Variants in CCNG2 observed in about 807,000 individuals in gnomAD.
The protein encoded by CCNG2 is cyclin-G2.
A neutral mutation model predicts 36.5 loss-of-function variants in CCNG2; 20 were observed. That is an observed-to-expected ratio of 0.55 (90% CI 0.39 to 0.80). The LOEUF (loss-of-function observed/expected upper bound fraction) is 0.80. Ranked by LOEUF, CCNG2 falls within the 30% of genes least tolerant of loss-of-function variation. The pLI, the probability that CCNG2 is intolerant of heterozygous loss-of-function variation, is 0.00. For synonymous variants in CCNG2, 155 were observed against 140.1 expected (o/e 1.11, Z -0.75); for missense variants, 358 against 390.8 (o/e 0.92, Z 0.71).
chr4:77,161,820 T>G (rs1459735563), intron 6 of CCNG2, 73 bp downstream of exon 6: 1 of 873,356 alleles, frequency 1.1e-6, no homozygotes, highest in Non-Finnish European at 1.8e-6. Flanking sequence ...GACTTAAACA[T>G]TAAGTAATAC....
At position 77,160,894 on chromosome 4, in the gene CCNG2, C is replaced by G. The variant is rs1731416331; in HGVS notation, c.450C>G (p.His150Gln). Reference protein sequence around the residue: ...RMEKIISEKLHYELEATTALN... With the variant: ...RMEKIISEKLQYELEATTALN... Reference sequence around the variant, plus strand: ...AAAAAATAATTTCAGAAAAATTGCACTATGAATTGGAAGCTACTACTGCCT... The same window carrying G: ...AAAAAATAATTTCAGAAAAATTGCAGTATGAATTGGAAGCTACTACTGCCT... Residue 150 changes from histidine (H) to glutamine (Q), a missense_variant, in exon 4 of 8, where the codon CAC becomes CAG. Physicochemically the swap from His to Gln is conservative, Grantham distance 24. Transcript: ENST00000316355. The G allele has an allele frequency of 6.2e-7, 1 of 1,612,570 alleles. No homozygotes were observed. Among genetic ancestry groups the G allele is most frequent in the Non-Finnish European group, 8.5e-7 (1 of 1,179,504 alleles).
chr4:77,162,280 T>G (rs1446621539), intron 6 of CCNG2, among the ~76,000 whole-genome samples: 2 of 152,134 alleles, frequency 1.3e-5, no homozygotes, highest in East Asian at 1.9e-4. Context: ...CTCAGTCTAG[T>G]TGGGGAAATG....
chr4:77,161,259 C>T (rs1051310160), intron 4 of CCNG2, among the ~76,000 whole-genome samples: 2 of 152,064 alleles, frequency 1.3e-5, no homozygotes, highest in Non-Finnish European at 2.9e-5. Context: ...TGCGCCACCA[C>T]ACCTGGCTAA....
intron 3 of CCNG2, 135 bp downstream of exon 3, chr4:77,159,639 G>C (rs913671111): frequency 1.9e-5 from 15 of 778,074 alleles, no homozygotes; most frequent in Non-Finnish European, 2.1e-5. Flanking sequence ...AATTGTGATC[G>C]TTAGTGCCAG....
chr4:77,165,671 GTC>G, intron 7 of CCNG2, 128 bp from the exon 8 acceptor site: 1 of 677,412 alleles, frequency 1.5e-6, no homozygotes, highest in African/African-American at 1.8e-5. Context: ...TATAAATTTT[GTC>G]TCTGTAAAGC....
At chr4:77,163,779 A>T (rs1731550007) in intron 6 of CCNG2, among the ~76,000 whole-genome samples, 1 of 152,204 alleles carries the variant, frequency 6.6e-6, no homozygotes, top group Non-Finnish European at 1.5e-5. Flanking sequence ...CATATCACTA[A>T]CTTCTTTAGT....
rs1488364369 is a variant in CCNG2 at position 77,157,263 on chromosome 4, G to A, written c.-244G>A. The stretch of plus-strand genomic sequence containing the variant: ...TTTCCGCTGAGGCGGCGGGGGTGCG[G>A]CGGTGGGCTGGTCTTCCGCGGCCGG... On this transcript the variant is annotated 5_prime_UTR_variant, in exon 1 of 8. Coordinates refer to ENST00000316355, the MANE Select transcript of CCNG2 (RefSeq NM_004354.3). 6.6e-6 allele frequency: 1 copy of A among 152,424 alleles called. No homozygotes were observed. Among genetic ancestry groups the A allele is most frequent in the Non-Finnish European group, 1.5e-5 (1 of 68,240 alleles). 9.4% of individuals were successfully genotyped at this position (152,424 alleles called of 1,614,324 possible).
rs147567142 is a variant in CCNG2, at chr4:77,168,721, A to G, written c.*2797A>G. ...GAAGCGCTATCCTTTCTCTTTGGGCATTATTAGGAGGCTCACAGACAAGTC... is the reference window on the plus strand; with the variant it reads ...GAAGCGCTATCCTTTCTCTTTGGGCGTTATTAGGAGGCTCACAGACAAGTC... On this transcript the variant is annotated 3_prime_UTR_variant, in exon 8 of 8. Transcript: ENST00000316355. The G allele has an allele frequency of 4.6e-5, 7 of 152,210 alleles. No individual in the cohort carries two copies. The highest frequency in any genetic ancestry group is 1.7e-4 in the African/African-American group (7 of 41,430). The allele number at this position is 152,210 out of a possible 1,614,324, so 9.4% of individuals were successfully genotyped here. A position where few individuals can be genotyped will look rare whatever the true frequency, so the allele number is the denominator to read the frequency against.
In CCNG2 at chr4:77,165,772, C is replaced by T. The variant is rs4150093; in HGVS notation, c.912-29C>T. 7.2e-6 allele frequency: 11 copies of T among 1,523,988 alleles called. No individual in the cohort carries two copies. The South Asian group carries it at 1.3e-4, about 18-fold the overall frequency. The allele number at this position is 1,523,988 out of a possible 1,614,324, so 94.4% of individuals were successfully genotyped here. A position where few individuals can be genotyped will look rare whatever the true frequency, so the allele number is the denominator to read the frequency against. ...TTAAGTGTGTTTTAAGTAATGGTATCCTCTTTTTTTGTCTCTTTTTCTCTT... is the reference window on the plus strand; with the variant it reads ...TTAAGTGTGTTTTAAGTAATGGTATTCTCTTTTTTTGTCTCTTTTTCTCTT... On this transcript the variant is annotated intron_variant, in intron 7 of 7. Transcript: ENST00000316355.
chr4:77,160,575 T>G, intron 3 of CCNG2, 146 bp from the exon 4 acceptor site: 1 of 673,460 alleles, frequency 1.5e-6, no homozygotes, highest in Non-Finnish European at 2.4e-6. Flanking sequence ...TGAAAATGTG[T>G]ATAATTGTGG....
chr4:77,158,800 GATAAACC>G, intron 2 of CCNG2, 130 bp downstream of exon 2: 2 of 858,024 alleles, frequency 2.3e-6, no homozygotes, highest in East Asian at 5.3e-5. Flanking sequence ...GGAGTACCAA[GATAAACC>G]TTATTACAGG....
chr4:77,161,098 TC>T (rs1731423004), intron 4 of CCNG2, 127 bp downstream of exon 4: 63 of 552,758 alleles, frequency 1.1e-4, no homozygotes, highest in Middle Eastern at 5.4e-4. Flanking sequence ...TATTGGTAAA[TC>T]TTTTTTTTTT....
intron 2 of CCNG2, 118 bp from the exon 3 acceptor site, chr4:77,159,249 G>T: frequency 1.2e-6 from 1 of 856,518 alleles, no homozygotes; most frequent in East Asian, 2.6e-5. Context: ...CTTGAAGATT[G>T]AGGGAAAAAA....
At chr4:77,165,221 G>A (rs1000940662) in intron 7 of CCNG2, among the ~76,000 whole-genome samples, 1 of 152,174 alleles carries the variant, frequency 6.6e-6, no homozygotes, top group Non-Finnish European at 1.5e-5. Flanking sequence ...GACAGTGTAA[G>A]TGGTATAATA....
In CCNG2 at chr4:77,159,512, A is replaced by G; in HGVS notation, c.276+8A>G. 1 of 1,608,242 alleles carries G rather than the reference A, an allele frequency of 6.2e-7. No individual in the cohort carries two copies. Among genetic ancestry groups the G allele is most frequent in the Non-Finnish European group, 8.5e-7 (1 of 1,177,814 alleles). On this transcript the variant is annotated splice_region_variant and intron_variant, in intron 3 of 7. Coordinates refer to ENST00000316355, the MANE Select transcript of CCNG2 (RefSeq NM_004354.3). ...TTCTTGGCTCTTATGAAGGTATTTCATCATTTTTATAAATATGTCTTCCTT... is the reference window on the plus strand; with the variant it reads ...TTCTTGGCTCTTATGAAGGTATTTCGTCATTTTTATAAATATGTCTTCCTT...
chr4:77,158,551 G>T lies in CCNG2; in HGVS notation c.19G>T (p.Glu7Ter), dbSNP rs752020200. The T allele has an allele frequency of 6.2e-7, 1 of 1,614,180 alleles. No homozygotes were observed. Among genetic ancestry groups the T allele is most frequent in the Non-Finnish European group, 8.5e-7 (1 of 1,180,024 alleles). ...ACTGCAGATGAAGGATTTGGGGGCA[G>T]AGCACTTGGCAGGTCATGAAGGGGT... is the stretch of plus-strand genomic sequence containing the variant. MKDLGA[E>*]HLAGHEGVQL... Residue 7 changes from glutamate (E) to a stop codon, truncating the protein, a stop_gained, in exon 2 of 8, where the codon GAG (glutamate) becomes TAG (stop). Transcript: ENST00000316355. LOFTEE classifies it high-confidence loss of function.
chr4:77,167,344 G>C lies in CCNG2; in HGVS notation c.*1420G>C, dbSNP rs557434843. The C allele has an allele frequency of 2.0e-5, 3 of 152,326 alleles. No individual in the cohort carries two copies. The highest frequency in any genetic ancestry group is 3.9e-4 in the East Asian group (2 of 5,182). 9.4% of individuals were successfully genotyped at this position (152,326 alleles called of 1,614,324 possible). The stretch of plus-strand genomic sequence containing the variant: ...GGCTAGCAGAAGTTCTCTAGGTTTG[G>C]CATCTGTGCCTTGGAGATACTGAAA... On this transcript the variant is annotated 3_prime_UTR_variant, in exon 8 of 8. Coordinates refer to ENST00000316355, the MANE Select transcript of CCNG2 (RefSeq NM_004354.3).
intron 6 of CCNG2, among the ~76,000 whole-genome samples, chr4:77,162,023 C>T (rs963484029): frequency 6.6e-6 from 1 of 152,166 alleles, no homozygotes; most frequent in African/African-American, 2.4e-5. Context: ...TACATTGCCA[C>T]ATATGCATTG....
rs756468216 is a variant in CCNG2, at chr4:77,159,371, A to G, written c.143A>G (p.Asp48Gly). The G allele has an allele frequency of 1.9e-6, 3 of 1,607,782 alleles. No homozygotes were observed. The highest frequency in any genetic ancestry group is 2.5e-6 in the Non-Finnish European group (3 of 1,177,464). ...GGTTCTTGGTTTTTATTGCAGAATGATAACACTTTGTGTCCAGGATTGAGA... is the reference window on the plus strand; with the variant it reads ...GGTTCTTGGTTTTTATTGCAGAATGGTAACACTTTGTGTCCAGGATTGAGA... ...LSLIEATPENDNTLCPGLRNA... is the reference protein window; with the variant it reads ...LSLIEATPENGNTLCPGLRNA... The change falls in exon 3 of 8, where the codon GAT becomes GGT. Residue 48 changes from aspartate (D) to glycine (G), a missense_variant. Coordinates refer to ENST00000316355, the MANE Select transcript of CCNG2 (RefSeq NM_004354.3).
Sources: gnomAD v4.1 joint callset for allele counts (sites outside exome capture counted in the v4.1 genomes callset) on GRCh38, gnomAD v4.1.1 for gene constraint, MANE v1.5 for transcripts, NCBI Gene and HGNC (gene_info 2026-07-23, HGNC 2026-07-21) for gene names.